LRMDA: variants seen among roughly 807,000 people sequenced by gnomAD.
The protein encoded by LRMDA is leucine-rich melanocyte differentiation-associated protein.
In LRMDA, 18 loss-of-function variants were observed where a neutral mutation model predicts 29.8. That is an observed-to-expected ratio of 0.60 (90% CI 0.42 to 0.90). The LOEUF (loss-of-function observed/expected upper bound fraction) is 0.90, where lower values mean the gene tolerates loss of function less well. LRMDA is among the 40% of genes least tolerant of loss of function. LRMDA has a pLI of 0.00. For missense variants in LRMDA, 273 were observed against 273.9 expected (o/e 1.00, Z 0.02); for synonymous variants, 125 against 109.4 (o/e 1.14, Z -0.89).
At chr10:76,069,353 G>C (rs1446945335) in intron 5 of LRMDA, among the ~76,000 whole-genome samples, 1 of 152,204 alleles carries the variant, frequency 6.6e-6, no homozygotes, top group Non-Finnish European at 1.5e-5. Flanking sequence ...TGAACAGACA[G>C]GGCTCCATCA....
chr10:76,124,281 G>A (rs1399853712), intron 5 of LRMDA, among the ~76,000 whole-genome samples: 2 of 152,192 alleles, frequency 1.3e-5, no homozygotes, highest in African/African-American at 4.8e-5. Context: ...CATTTGCTTA[G>A]GTAACAAGAC....
At chr10:75,875,518 C>T (rs917497936) in intron 2 of LRMDA, among the ~76,000 whole-genome samples, 3 of 152,170 alleles carry the variant, frequency 2.0e-5, no homozygotes, top group Non-Finnish European at 2.9e-5. Flanking sequence ...ACTGCAACCT[C>T]CGCCTCCCGG....
intron 5 of LRMDA, among the ~76,000 whole-genome samples, chr10:76,124,656 C>T (rs1324592161): frequency 1.3e-5 from 2 of 152,238 alleles, no homozygotes; most frequent in African/African-American, 2.4e-5. Flanking sequence ...CTGAATCCAG[C>T]CCCTTGGCCA....
intron 2 of LRMDA, among the ~76,000 whole-genome samples, chr10:75,712,371 G>A (rs1335963464): frequency 6.6e-6 from 1 of 151,430 alleles, no homozygotes; most frequent in African/African-American, 2.4e-5. Flanking sequence ...AAAACGACAC[G>A]TGGCCGGCTG....
At chr10:76,092,127 C>A (rs1011030956) in intron 5 of LRMDA, among the ~76,000 whole-genome samples, 5 of 152,158 alleles carry the variant, frequency 3.3e-5, no homozygotes, top group African/African-American at 1.2e-4. Flanking sequence ...GGGTCATTTT[C>A]CCCTGAAGGT....
chr10:75,908,771 G>A (rs1019590854), intron 2 of LRMDA, among the ~76,000 whole-genome samples: 1 of 152,096 alleles, frequency 6.6e-6, no homozygotes, highest in African/African-American at 2.4e-5. Flanking sequence ...CTCTACACGC[G>A]CTCTTTCCCC....
intron 6 of LRMDA, among the ~76,000 whole-genome samples, chr10:76,418,183 G>T (rs1222474441): frequency 2.0e-5 from 3 of 152,168 alleles, no homozygotes; most frequent in Admixed American, 6.5e-5. Flanking sequence ...ATGATATTTT[G>T]ATTGGGATTA....
intron 2 of LRMDA, among the ~76,000 whole-genome samples, chr10:75,682,180 C>T (rs898143723): frequency 2.0e-5 from 3 of 152,148 alleles, no homozygotes; most frequent in Admixed American, 6.5e-5. Context: ...AAACATTCCA[C>T]GCAGCAGAAA....
At chr10:75,620,315 T>G (rs1288367065) in intron 2 of LRMDA, among the ~76,000 whole-genome samples, 1 of 152,206 alleles carries the variant, frequency 6.6e-6, no homozygotes, top group Non-Finnish European at 1.5e-5. Context: ...TGAACACACT[T>G]TCATTTAAAA....
At chr10:76,220,456 G>A (rs1363120739) in intron 5 of LRMDA, among the ~76,000 whole-genome samples, 1 of 152,150 alleles carries the variant, frequency 6.6e-6, no homozygotes, top group Non-Finnish European at 1.5e-5. Flanking sequence ...CGATCCCACA[G>A]AAATACAAAC....
chr10:75,473,538 G>A (rs1835906859), intron 2 of LRMDA, among the ~76,000 whole-genome samples: 1 of 152,234 alleles, frequency 6.6e-6, no homozygotes, highest in Non-Finnish European at 1.5e-5. Flanking sequence ...TGCATTTGGA[G>A]GTGGAGTTGG....
chr10:75,620,529 G>A (rs1433385279), intron 2 of LRMDA, among the ~76,000 whole-genome samples: 2 of 152,170 alleles, frequency 1.3e-5, no homozygotes, highest in Admixed American at 1.3e-4. Flanking sequence ...TGCAGAAGTG[G>A]TTCTTGGAGG....
At chr10:76,054,273 G>A (rs562462621) in intron 4 of LRMDA, among the ~76,000 whole-genome samples, 2 of 152,216 alleles carry the variant, frequency 1.3e-5, no homozygotes, top group South Asian at 4.2e-4. Flanking sequence ...CAACCACTTG[G>A]AAACCCAGGC....
chr10:75,606,257 A>G (rs1225125119), intron 2 of LRMDA, among the ~76,000 whole-genome samples: 2 of 152,194 alleles, frequency 1.3e-5, no homozygotes, highest in African/African-American at 4.8e-5. Context: ...GTGCTCTTGC[A>G]TGGGTATGTC....
At chr10:75,465,184 C>T (rs985708869) in intron 2 of LRMDA, among the ~76,000 whole-genome samples, 9 of 152,194 alleles carry the variant, frequency 5.9e-5, no homozygotes, top group African/African-American at 9.7e-5. Flanking sequence ...TCTGAAAAAG[C>T]GATCTAAGCT....
chr10:76,207,270 C>G (rs542138057), intron 5 of LRMDA, among the ~76,000 whole-genome samples: 1 of 152,234 alleles, frequency 6.6e-6, no homozygotes, highest in South Asian at 2.1e-4. Flanking sequence ...TACAAGTGAC[C>G]GCAGTAGATG....
At chr10:76,556,879 A>C (rs1843564303) in intron 6 of LRMDA, among the ~76,000 whole-genome samples, 1 of 152,274 alleles carries the variant, frequency 6.6e-6, no homozygotes, top group East Asian at 1.9e-4. Context: ...AACTCTACTA[A>C]GGGAAACTGG....
At chr10:76,121,955 G>T (rs1849797643) in intron 5 of LRMDA, among the ~76,000 whole-genome samples, 2 of 152,158 alleles carry the variant, frequency 1.3e-5, no homozygotes, top group African/African-American at 4.8e-5. Context: ...GATAGACTGA[G>T]TTCCTGTCCG....
At chr10:76,307,817 A>C (rs1188588900) in intron 5 of LRMDA, among the ~76,000 whole-genome samples, 1 of 152,208 alleles carries the variant, frequency 6.6e-6, no homozygotes, top group African/African-American at 2.4e-5. Context: ...GAAATTTCTG[A>C]TGAGAAGTTT....
Sources: allele counts gnomAD v4.1 joint callset (sites outside exome capture counted in the v4.1 genomes callset), GRCh38; gene constraint gnomAD v4.1.1; transcripts MANE v1.5; gene names NCBI Gene and HGNC (gene_info 2026-07-23, HGNC 2026-07-21).